Variants in PLCB1 observed in about 807,000 individuals in gnomAD.
The protein encoded by PLCB1 is 1-phosphatidylinositol 4,5-bisphosphate phosphodiesterase beta-1.
A neutral mutation model predicts 161.8 loss-of-function variants in PLCB1; 46 were observed. The observed-to-expected ratio is 0.28, with a 90% confidence interval of 0.22 to 0.36. The LOEUF (loss-of-function observed/expected upper bound fraction) is 0.36. Among genes scored for constraint, PLCB1 ranks in the 10% least tolerant of loss-of-function variants. The pLI is 1.00. For missense variants in PLCB1, 1,016 were observed against 1,472.5 expected, an observed-to-expected ratio of 0.69 and a Z score of 5.07; for synonymous variants, 517 against 503.7, an observed-to-expected ratio of 1.03 and a Z score of -0.35.
At chr20:8,374,946 A>G (rs6108136) in intron 3 of PLCB1, among the ~76,000 whole-genome samples, 4,132 of 152,264 alleles carry the variant, frequency 0.027, 197 homozygotes, top group African/African-American at 0.093. Context: ...TTGAAAATGA[A>G]CTGTTTTTTG....
intron 12 of PLCB1, among the ~76,000 whole-genome samples, chr20:8,709,992 CA>C (rs1320806873): frequency 6.6e-6 from 1 of 152,234 alleles, no homozygotes; most frequent in Non-Finnish European, 1.5e-5. Flanking sequence ...CTCTGTTAAA[CA>C]ATTTCTCATC....
At chr20:8,505,094 T>C (rs537626799) in intron 3 of PLCB1, among the ~76,000 whole-genome samples, 115 of 152,216 alleles carry the variant, frequency 7.6e-4, no homozygotes, top group African/African-American at 2.7e-3. Flanking sequence ...ACTCCTGGCC[T>C]CAGCAATCCT....
intron 2 of PLCB1, among the ~76,000 whole-genome samples, chr20:8,229,997 A>G (rs1030625326): frequency 2.1e-5 from 3 of 140,880 alleles, no homozygotes; most frequent in South Asian, 2.3e-4. Flanking sequence ...TCAAGCCTGC[A>G]GTGAGCCATG....
chr20:8,376,710 C>T (rs1164539051), intron 3 of PLCB1, among the ~76,000 whole-genome samples: 4 of 152,146 alleles, frequency 2.6e-5, no homozygotes, highest in East Asian at 3.9e-4. Context: ...GGGCGGATCA[C>T]GAGGTCAGGA....
chr20:8,764,998 A>G (rs578095933), intron 25 of PLCB1, 141 bp from the exon 26 acceptor site: 43 of 661,064 alleles, frequency 6.5e-5, no homozygotes, highest in African/African-American at 6.0e-4. Flanking sequence ...ACTGGAACCC[A>G]GGTAGAGCTG....
chr20:8,736,095 G>A (rs1980566844), intron 19 of PLCB1, among the ~76,000 whole-genome samples: 1 of 152,142 alleles, frequency 6.6e-6, no homozygotes, highest in Non-Finnish European at 1.5e-5. Flanking sequence ...GAAAGTTCTT[G>A]ACCAGCAGGC....
chr20:8,417,920 C>A lies in PLCB1; in HGVS notation c.246+46470C>A, dbSNP rs1370691942. Among the ~76,000 whole-genome samples the A allele has an allele frequency of 2.0e-5, 3 of 152,208 alleles. No homozygotes were observed. The East Asian group carries it at 5.8e-4, about 29-fold the overall frequency. On this transcript the variant is annotated intron_variant, in intron 3 of 31. Transcript: ENST00000338037. ...AAAACAAGAGGACTCCTAAGTGTTA[C>A]ACACAGGATGTTGCTGATCTTGGGT...
At chr20:8,403,723 G>C (rs991675253) in intron 3 of PLCB1, among the ~76,000 whole-genome samples, 1 of 152,188 alleles carries the variant, frequency 6.6e-6, no homozygotes, top group Non-Finnish European at 1.5e-5. Context: ...TAGTGCCACT[G>C]CAAGACAGAT....
intron 11 of PLCB1, among the ~76,000 whole-genome samples, chr20:8,704,135 C>T (rs1288248440): frequency 1.3e-5 from 2 of 152,154 alleles, no homozygotes; most frequent in African/African-American, 4.8e-5. Flanking sequence ...AGGCAGATAA[C>T]TTGAGGTCAG....
At chr20:8,423,161 C>T (rs967573861) in intron 3 of PLCB1, among the ~76,000 whole-genome samples, 4 of 152,078 alleles carry the variant, frequency 2.6e-5, no homozygotes, top group Admixed American at 2.6e-4. Context: ...AATTTATTTG[C>T]ATGTCATTGT....
chr20:8,524,142 G>A (rs914834331), intron 3 of PLCB1, among the ~76,000 whole-genome samples: 5 of 151,992 alleles, frequency 3.3e-5, no homozygotes, highest in Non-Finnish European at 1.5e-5. Context: ...CCAAAAAATA[G>A]CAAGATTGTT....
At chr20:8,152,765 T>C (rs2051522302) in intron 2 of PLCB1, among the ~76,000 whole-genome samples, 1 of 152,160 alleles carries the variant, frequency 6.6e-6, no homozygotes, top group Admixed American at 6.5e-5. Flanking sequence ...TCTTCCAATA[T>C]ATTCCCTCTT....
intron 10 of PLCB1, 47 bp from the exon 11 acceptor site, chr20:8,697,553 GCCTTTCTAAGAAAGCACCACGGTCAT>G: frequency 6.8e-7 from 1 of 1,465,208 alleles, no homozygotes; most frequent in East Asian, 2.3e-5. Context: ...TTATTGAGGA[GCCTTTCTAAGAAAGCACCACGGTCAT>G]CCTTGCTTCA....
At position 8,790,179 on chromosome 20, in the gene PLCB1, A is replaced by T. The variant is rs1983683540; in HGVS notation, c.3341A>T (p.Glu1114Val). 15 of 1,608,160 alleles carry T rather than the reference A, an allele frequency of 9.3e-6. No individual in the cohort carries two copies. Among genetic ancestry groups the T allele is most frequent in the Non-Finnish European group, 1.1e-5 (13 of 1,175,642 alleles). ...TTTCTTGTAACTTTCTTATAGCTAG[A>T]AGAAGCGCAAAGTAAACGGCAAGAA... The part of the protein sequence containing the change: ...QEVVQYIKRL[E>V]EAQSKRQEKL... The change falls in exon 31 of 32, where the codon GAA becomes GTA. Residue 1114 changes from glutamate (E) to valine (V), a missense_variant. Physicochemically the swap from Glu to Val is moderately radical, Grantham distance 121. Coordinates refer to ENST00000338037, the MANE Select transcript of PLCB1 (RefSeq NM_015192.4).
chr20:8,259,149 G>C (rs978394596), intron 2 of PLCB1, among the ~76,000 whole-genome samples: 13 of 152,150 alleles, frequency 8.5e-5, no homozygotes, highest in African/African-American at 3.1e-4. Flanking sequence ...GATACTCACA[G>C]TTCCCATTCC....
At chr20:8,775,608 G>C (rs961641525) in intron 27 of PLCB1, among the ~76,000 whole-genome samples, 2 of 152,180 alleles carry the variant, frequency 1.3e-5, no homozygotes, top group African/African-American at 4.8e-5. Flanking sequence ...GTGTAATTCT[G>C]TTGTTCTAGG....
chr20:8,821,558 T>C (rs1415682291), intron 31 of PLCB1, among the ~76,000 whole-genome samples: 2 of 111,976 alleles, frequency 1.8e-5, no homozygotes, highest in African/African-American at 6.5e-5. Context: ...TATATATATA[T>C]TTAAATGACA....
intron 7 of PLCB1, among the ~76,000 whole-genome samples, chr20:8,650,360 C>A (rs977826906): frequency 6.6e-6 from 1 of 152,094 alleles, no homozygotes; most frequent in African/African-American, 2.4e-5. Context: ...CACCGCTTTC[C>A]ACGGTAATGA....
At chr20:8,766,720 C>T (rs963026899) in intron 26 of PLCB1, among the ~76,000 whole-genome samples, 10 of 152,180 alleles carry the variant, frequency 6.6e-5, no homozygotes, top group Admixed American at 4.6e-4. Context: ...GAGGGACCCT[C>T]AAGCTGTGCA....
Sources: gnomAD v4.1 joint callset for allele counts (sites outside exome capture counted in the v4.1 genomes callset) on GRCh38, gnomAD v4.1.1 for gene constraint, MANE v1.5 for transcripts, NCBI Gene and HGNC (gene_info 2026-07-23, HGNC 2026-07-21) for gene names.